Variants in NOVA1 observed in about 807,000 individuals in gnomAD.
NOVA1 encodes the protein NOVA alternative splicing regulator 1, also known as RNA-binding protein Nova-1.
NOVA1 carries 7 observed loss-of-function variants against 38.0 expected under a neutral mutation model. That is an observed-to-expected ratio of 0.18 (90% confidence interval 0.10 to 0.35). The LOEUF is 0.35. NOVA1 is among the 10% of genes least tolerant of loss of function. NOVA1 has a pLI of 1.00. For synonymous variants in NOVA1, 270 were observed against 232.5 expected (o/e 1.16, Z -1.47); for missense variants, 460 against 616.0 (o/e 0.75, Z 2.68).
chr14:26,540,165 AT>A, intron 2 of NOVA1, among the ~76,000 whole-genome samples: 1 of 152,220 alleles, frequency 6.6e-6, no homozygotes, highest in East Asian at 1.9e-4. Context: ...TCCCTGACCT[AT>A]TAGGAGCCTG....
rs1297433905 is a variant in NOVA1, at chr14:26,447,362, T to C, written c.*597A>G. ...TTGTCTAGTTCAGATGGAGAACAGG[T>C]GCTTTTATTGATCTGTAAACTTACC... On this transcript the variant is annotated 3_prime_UTR_variant, in exon 5 of 5. Transcript: ENST00000539517. 2 of 153,356 alleles carry C rather than the reference T, an allele frequency of 1.3e-5. No homozygotes were observed. Among genetic ancestry groups the C allele is most frequent in the Admixed American group, 1.3e-4 (2 of 15,404 alleles). 9.5% of individuals were successfully genotyped at this position (153,356 alleles called of 1,614,324 possible).
chr14:26,475,699 A>G (rs1340186595), intron 3 of NOVA1, among the ~76,000 whole-genome samples: 4 of 152,192 alleles, frequency 2.6e-5, no homozygotes, highest in Non-Finnish European at 4.4e-5. Context: ...ATTATTAACA[A>G]TTTTAAAACA....
intron 4 of NOVA1, among the ~76,000 whole-genome samples, chr14:26,455,170 A>C (rs1259367525): frequency 6.6e-6 from 1 of 152,104 alleles, no homozygotes; most frequent in African/African-American, 2.4e-5. Flanking sequence ...ATTGTCTAAT[A>C]TCTCTCATAA....
chr14:26,448,119 A>G lies in NOVA1; in HGVS notation c.1364T>C (p.Ile455Thr). Residue 455 changes from isoleucine (I) to threonine (T), a missense_variant, in exon 5 of 5, where the codon ATA becomes ACA. Ile to Thr is a moderately conservative substitution (Grantham distance 89, BLOSUM62 -1). Transcript: ENST00000539517. The surrounding 1 kb of genome is among the most constrained non-coding windows in gnomAD (Gnocchi z 5.3). ...GAATTCTCCTTTTTTGGAGATCTGT[A>G]TCCTTGCACCAGTCAACTCCTGGTA... ...VEYQELTGAR[I>T]QISKKGEFVP... 1 of 1,614,090 alleles carries G rather than the reference A, an allele frequency of 6.2e-7. No homozygotes were observed. The highest frequency in any genetic ancestry group is 8.5e-7 in the Non-Finnish European group (1 of 1,180,016).
intron 2 of NOVA1, among the ~76,000 whole-genome samples, chr14:26,498,225 A>C (rs1886965603): frequency 6.6e-6 from 1 of 150,490 alleles, no homozygotes; most frequent in Non-Finnish European, 1.5e-5. Flanking sequence ...ACGCCCAGTT[A>C]ATTTTTTTTT....
rs1351104103 is a variant in NOVA1, at chr14:26,445,958, ATT to A, written c.*1999_*2000del. The A allele has an allele frequency of 1.3e-5, 2 of 152,622 alleles. No homozygotes were observed. Among genetic ancestry groups the A allele is most frequent in the Non-Finnish European group, 2.9e-5 (2 of 68,038 alleles). The allele number at this position is 152,622 out of a possible 1,614,324, so 9.5% of individuals were successfully genotyped here. On this transcript the variant is annotated 3_prime_UTR_variant, in exon 5 of 5. Coordinates refer to ENST00000539517, the MANE Select transcript of NOVA1 (RefSeq NM_002515.3). Reference sequence around the variant, plus strand: ...ATAATAGCGGCAATGCTAACCACTGATTCCACGAGATACACTATTTGTCAAAA... The same window carrying A: ...ATAATAGCGGCAATGCTAACCACTGACCACGAGATACACTATTTGTCAAAA...
chr14:26,456,978 C>CATAT (rs141026086), intron 4 of NOVA1, among the ~76,000 whole-genome samples: 4 of 150,364 alleles, frequency 2.7e-5, no homozygotes, highest in East Asian at 2.0e-4. Context: ...CACACACACA[C>CATAT]ATATATATAT....
intron 2 of NOVA1, among the ~76,000 whole-genome samples, chr14:26,584,803 ACT>A: frequency 6.6e-6 from 1 of 151,318 alleles, no homozygotes; most frequent in Non-Finnish European, 1.5e-5. Context: ...TCCTCCCAAG[ACT>A]CTGACACTAA....
intron 2 of NOVA1, among the ~76,000 whole-genome samples, chr14:26,497,193 ACAATTGC>A (rs1367225143): frequency 6.6e-6 from 1 of 152,144 alleles, no homozygotes; most frequent in Non-Finnish European, 1.5e-5. Context: ...ACTCCCATTC[ACAATTGC>A]TTCTAAGAGA....
At chr14:26,579,308 G>A (rs372651397) in intron 2 of NOVA1, among the ~76,000 whole-genome samples, 144 of 151,904 alleles carry the variant, frequency 9.5e-4, no homozygotes, top group Non-Finnish European at 1.7e-3. Context: ...TGCCTGCCTC[G>A]GCCTCCCAAA....
intron 3 of NOVA1, among the ~76,000 whole-genome samples, chr14:26,473,058 C>A (rs181980111): frequency 1.3e-5 from 2 of 151,694 alleles, no homozygotes; most frequent in Non-Finnish European, 2.9e-5. Context: ...AACAAATCAT[C>A]ATAATATTTT....
At chr14:26,467,403 A>G (rs1339606807) in intron 4 of NOVA1, among the ~76,000 whole-genome samples, 1 of 152,150 alleles carries the variant, frequency 6.6e-6, no homozygotes, top group East Asian at 1.9e-4. Context: ...GCGGAGGCAA[A>G]AATTTGACTG....
intron 4 of NOVA1, among the ~76,000 whole-genome samples, chr14:26,461,285 A>G (rs909764175): frequency 6.6e-6 from 1 of 152,188 alleles, no homozygotes; most frequent in East Asian, 1.9e-4. Context: ...CTTCAATCTT[A>G]AAGTCTTAGG....
At chr14:26,484,337 G>A (rs1885702477) in intron 2 of NOVA1, among the ~76,000 whole-genome samples, 1 of 149,712 alleles carries the variant, frequency 6.7e-6, no homozygotes, top group Non-Finnish European at 1.5e-5. Context: ...TCAGGAGGCT[G>A]AGGCAGGAGA....
intron 4 of NOVA1, among the ~76,000 whole-genome samples, chr14:26,456,221 G>C (rs1461657688): frequency 2.0e-5 from 3 of 151,866 alleles, no homozygotes; most frequent in Non-Finnish European, 4.4e-5. Context: ...TACCTACGAA[G>C]ATAAACATAG....
chr14:26,542,008 A>G (rs2138600894), intron 2 of NOVA1, among the ~76,000 whole-genome samples: 1 of 152,036 alleles, frequency 6.6e-6, no homozygotes, highest in Non-Finnish European at 1.5e-5. Flanking sequence ...TCCATTCACT[A>G]AGATTCCTAA....
At chr14:26,451,430 C>T (rs1202008280) in intron 4 of NOVA1, among the ~76,000 whole-genome samples, 1 of 152,058 alleles carries the variant, frequency 6.6e-6, no homozygotes, top group African/African-American at 2.4e-5. Flanking sequence ...CGCAGTGGTG[C>T]AATCTCGACT....
intron 2 of NOVA1, among the ~76,000 whole-genome samples, chr14:26,500,425 C>G (rs1004949715): frequency 6.6e-6 from 1 of 151,670 alleles, no homozygotes; most frequent in Non-Finnish European, 1.5e-5. Context: ...AGGTAAGGGG[C>G]CATCCCAGGA....
intron 2 of NOVA1, among the ~76,000 whole-genome samples, chr14:26,496,969 C>T (rs1383005777): frequency 1.8e-4 from 27 of 152,080 alleles, no homozygotes; most frequent in African/African-American, 3.4e-4. Context: ...ATTGACTTGG[C>T]GATGCGGGCT....
Sources: allele counts gnomAD v4.1 joint callset (sites outside exome capture counted in the v4.1 genomes callset), GRCh38; gene constraint gnomAD v4.1.1; non-coding constraint Gnocchi (gnomAD v3.1); transcripts MANE v1.5; gene names NCBI Gene and HGNC (gene_info 2026-07-23, HGNC 2026-07-21).